Variants in ANO2 observed in about 807,000 individuals in gnomAD.
ANO2 encodes the protein anoctamin-2.
ANO2 carries 101 observed loss-of-function variants against 124.2 expected under a neutral mutation model. The observed-to-expected ratio is 0.81, with a 90% confidence interval of 0.69 to 0.96. ANO2 has a LOEUF of 0.96. Ranked by LOEUF, ANO2 falls within the 40% of genes least tolerant of loss-of-function variation. ANO2 has a pLI of 0.00. For synonymous variants in ANO2, 486 were observed against 482.5 expected (o/e 1.01, Z -0.09); for missense variants, 1,293 against 1,274.5 (o/e 1.01, Z -0.22).
At chr12:5,723,790 G>C (rs1293290504) in intron 14 of ANO2, among the ~76,000 whole-genome samples, 4 of 152,162 alleles carry the variant, frequency 2.6e-5, no homozygotes, top group Admixed American at 6.5e-5. Flanking sequence ...AGGTTCCAGG[G>C]AGCTACATGT....
chr12:5,741,118 G>A (rs1377614683), intron 12 of ANO2: 1 of 152,240 alleles, frequency 6.6e-6, no homozygotes, highest in Non-Finnish European at 1.5e-5. Flanking sequence ...CCTCTAGCAG[G>A]AGCCTGAGCA....
At chr12:5,674,973 G>A (rs1236312369) in intron 14 of ANO2, among the ~76,000 whole-genome samples, 1 of 152,142 alleles carries the variant, frequency 6.6e-6, no homozygotes, top group African/African-American at 2.4e-5. Context: ...TAAGGGATGG[G>A]CAGTCGAGTT....
chr12:5,860,812 C>T (rs1955245319), intron 3 of ANO2, among the ~76,000 whole-genome samples: 2 of 152,200 alleles, frequency 1.3e-5, no homozygotes, highest in African/African-American at 2.4e-5. Flanking sequence ...GGAATTGACA[C>T]AGCCTCACTC....
intron 3 of ANO2, among the ~76,000 whole-genome samples, chr12:5,906,712 T>C (rs1395044944): frequency 6.6e-6 from 1 of 151,988 alleles, no homozygotes; most frequent in Non-Finnish European, 1.5e-5. Flanking sequence ...GGAGAATCAC[T>C]TGAACCTGGG....
chr12:5,942,833 T>C (rs1476150924), intron 1 of ANO2, among the ~76,000 whole-genome samples: 2 of 152,194 alleles, frequency 1.3e-5, no homozygotes, highest in Admixed American at 6.5e-5. Context: ...AGAAGATATA[T>C]AAATAGCCAA....
intron 10 of ANO2, among the ~76,000 whole-genome samples, chr12:5,757,270 A>C (rs943314665): frequency 1.4e-4 from 22 of 152,124 alleles, no homozygotes; most frequent in Non-Finnish European, 1.0e-4. Context: ...CTGCACTTAA[A>C]ATTTTTCTAC....
At chr12:5,828,934 C>A (rs1017331982) in intron 6 of ANO2, among the ~76,000 whole-genome samples, 3 of 152,210 alleles carry the variant, frequency 2.0e-5, no homozygotes, top group African/African-American at 7.2e-5. Context: ...AACCAAAGTC[C>A]AGGGCAGAAT....
Position 5,655,152 on chromosome 12 carries a change from T to A in ANO2, c.1546-7351A>T, listed in dbSNP as rs573942047. 3.3e-5 allele frequency among the ~76,000 whole-genome samples: 5 copies of A among 152,296 alleles called. No individual in the cohort carries two copies. In the South Asian group the frequency reaches 1.0e-3, roughly 32 times the overall value. On this transcript the variant is annotated intron_variant, in intron 14 of 24. Transcript: ENST00000682330. ...CACTTTTTTATTGGGAAAAAAAAAC[T>A]CAAGATCATCATGTGAGAATCTCAA...
chr12:5,607,890 A>C (rs1056223999), intron 19 of ANO2, among the ~76,000 whole-genome samples: 1 of 152,160 alleles, frequency 6.6e-6, no homozygotes, highest in African/African-American at 2.4e-5. Context: ...TAAGTTGTAA[A>C]ATTATTTCAT....
In ANO2 at chr12:5,575,700, T is replaced by C. The variant is rs1942359108; in HGVS notation, c.2621+134A>G. ...ATGGTATTATAATCTTACGGGACAA[T>C]CGCCATATATGTGGTCTGCTGTTGT... On this transcript the variant is annotated intron_variant, in intron 23 of 24. Coordinates refer to ENST00000682330, the MANE Select transcript of ANO2 (RefSeq NM_001364791.2). The C allele has an allele frequency of 1.0e-5, 10 of 976,886 alleles. No individual in the cohort carries two copies. In the South Asian group the frequency reaches 1.8e-4, roughly 17 times the overall value. The allele number at this position is 976,886 out of a possible 1,614,324, so 60.5% of individuals were successfully genotyped here. A position where few individuals can be genotyped will look rare whatever the true frequency, so the allele number is the denominator to read the frequency against.
chr12:5,779,158 G>A (rs1012672200), intron 10 of ANO2, among the ~76,000 whole-genome samples: 1 of 152,206 alleles, frequency 6.6e-6, no homozygotes, highest in African/African-American at 2.4e-5. Context: ...TTGCTAATCT[G>A]ATTAATTGTG....
In ANO2 at chr12:5,921,345, C is replaced by G; in HGVS notation, c.229G>C (p.Ala77Pro). The change falls in exon 3 of 25, where the codon GCC becomes CCC. Residue 77 changes from alanine (A) to proline (P), a missense_variant. Coordinates refer to ENST00000682330, the MANE Select transcript of ANO2 (RefSeq NM_001364791.2). ...GCCTCCAAGGACACAGGCTCATTGGCATCCAGATAGTTGTTGATGACCTGG... is the reference window on the plus strand; with the variant it reads ...GCCTCCAAGGACACAGGCTCATTGGGATCCAGATAGTTGTTGATGACCTGG... ...SSSVINNYLD[A>P]NEPVSLEARL... is the part of the protein sequence containing the mutation. 2 of 1,613,814 alleles carry G rather than the reference C, an allele frequency of 1.2e-6. No homozygotes were observed. The highest frequency in any genetic ancestry group is 1.3e-5 in the African/African-American group (1 of 75,024).
intron 10 of ANO2, among the ~76,000 whole-genome samples, chr12:5,779,689 C>T (rs535878185): frequency 8.5e-5 from 13 of 152,304 alleles, no homozygotes; most frequent in Admixed American, 4.6e-4. Flanking sequence ...GACATAGCAA[C>T]GGCACGCACC....
intron 16 of ANO2, among the ~76,000 whole-genome samples, chr12:5,616,527 T>C (rs1242019841): frequency 6.6e-6 from 1 of 152,052 alleles, no homozygotes; most frequent in Non-Finnish European, 1.5e-5. Flanking sequence ...TCTTCAGAGG[T>C]AGAAGAAAAG....
chr12:5,641,225 G>A (rs1161592696), intron 15 of ANO2, among the ~76,000 whole-genome samples: 1 of 151,848 alleles, frequency 6.6e-6, no homozygotes, highest in African/African-American at 2.4e-5. Flanking sequence ...GGCCTGTCAG[G>A]GGGTGGGGGG....
chr12:5,683,990 T>C (rs1044871030), intron 14 of ANO2, among the ~76,000 whole-genome samples: 3 of 152,164 alleles, frequency 2.0e-5, no homozygotes, highest in African/African-American at 4.8e-5. Context: ...TCCCAACATC[T>C]ATAATTCACC....
At chr12:5,889,941 C>T (rs1565753360) in intron 3 of ANO2, among the ~76,000 whole-genome samples, 1 of 152,188 alleles carries the variant, frequency 6.6e-6, no homozygotes, top group Non-Finnish European at 1.5e-5. Flanking sequence ...AAAGGAAAGA[C>T]AATCAGAGGC....
intron 7 of ANO2, among the ~76,000 whole-genome samples, chr12:5,807,823 A>T (rs893503800): frequency 2.0e-5 from 3 of 152,192 alleles, no homozygotes; most frequent in Admixed American, 1.3e-4. Flanking sequence ...TGCCGCCTGG[A>T]CCATAATATC....
Position 5,563,560 on chromosome 12 carries a change from C to T in ANO2, c.2736G>A (p.Val912=). Residue 912 remains valine, a synonymous_variant, in exon 25 of 25, where the codon GTG becomes GTA. Coordinates refer to ENST00000682330, the MANE Select transcript of ANO2 (RefSeq NM_001364791.2). ...AGTCCACGAGGACGCTCAGGAACATCACGAGGTTCTGCAAAAAGCCAAGGA... is the reference window on the plus strand; with the variant it reads ...AGTCCACGAGGACGCTCAGGAACATTACGAGGTTCTGCAAAAAGCCAAGGA... ...LAFVIIFQNL[V]MFLSVLVDWM... is the part of the protein sequence containing the mutation. 3.1e-6 allele frequency: 5 copies of T among 1,613,880 alleles called. No homozygotes were observed. Among genetic ancestry groups the T allele is most frequent in the Non-Finnish European group, 4.2e-6 (5 of 1,179,828 alleles).
Sources: gnomAD v4.1 joint callset for allele counts (sites outside exome capture counted in the v4.1 genomes callset) on GRCh38, gnomAD v4.1.1 for gene constraint, MANE v1.5 for transcripts, NCBI Gene and HGNC (gene_info 2026-07-23, HGNC 2026-07-21) for gene names.